Variants in ADAMTS12 observed in about 807,000 individuals in gnomAD.
ADAMTS12 encodes A disintegrin and metalloproteinase with thrombospondin motifs 12.
A neutral mutation model predicts 167.8 loss-of-function variants in ADAMTS12; 118 were observed. The ratio of observed to expected loss-of-function variants is 0.70; its 90% CI spans 0.61 to 0.82. ADAMTS12 has a LOEUF of 0.82. Among genes scored for constraint, ADAMTS12 ranks in the 40% least tolerant of loss-of-function variants. ADAMTS12 has a pLI of 0.00. For synonymous variants in ADAMTS12, 704 were observed against 716.9 expected (o/e 0.98, Z 0.29); for missense variants, 1,916 against 1,998.8 (o/e 0.96, Z 0.79).
chr5:33,839,529 G>A (rs1748664423), intron 2 of ADAMTS12, among the ~76,000 whole-genome samples: 1 of 152,098 alleles, frequency 6.6e-6, no homozygotes, highest in East Asian at 1.9e-4. Context: ...TTCTTTCCTA[G>A]TTGAACATAT....
intron 2 of ADAMTS12, among the ~76,000 whole-genome samples, chr5:33,802,346 A>C (rs140201308): frequency 6.6e-6 from 1 of 152,338 alleles, no homozygotes; most frequent in African/African-American, 2.4e-5. Context: ...CAACTAAGCA[A>C]AGCTAAGCTG....
At chr5:33,631,058 A>G in intron 12 of ADAMTS12, 145 bp from the exon 13 acceptor site, 1 of 880,448 alleles carries the variant, frequency 1.1e-6, no homozygotes, top group Non-Finnish European at 1.7e-6. Context: ...ATGCTGAAAT[A>G]TGCCTCAAGA....
intron 5 of ADAMTS12, among the ~76,000 whole-genome samples, chr5:33,675,836 A>C (rs1398218930): frequency 6.6e-6 from 1 of 152,182 alleles, no homozygotes; most frequent in African/African-American, 2.4e-5. Flanking sequence ...AAGCCTTGAG[A>C]ATAGTAATTA....
At chr5:33,665,898 G>A (rs1741447084) in intron 5 of ADAMTS12, among the ~76,000 whole-genome samples, 1 of 152,182 alleles carries the variant, frequency 6.6e-6, no homozygotes, top group South Asian at 2.1e-4. Context: ...TCTAGAGGCA[G>A]GTAAAACATT....
At chr5:33,530,432 G>A (rs1561103168) in intron 23 of ADAMTS12, among the ~76,000 whole-genome samples, 1 of 152,210 alleles carries the variant, frequency 6.6e-6, no homozygotes, top group Non-Finnish European at 1.5e-5. Flanking sequence ...CCCGGGCTCT[G>A]GGAAGCCCCC....
intron 3 of ADAMTS12, among the ~76,000 whole-genome samples, chr5:33,734,309 G>A (rs541593564): frequency 6.6e-6 from 1 of 152,286 alleles, no homozygotes; most frequent in South Asian, 2.1e-4. Context: ...TAGGTCAGAG[G>A]TGAGGACACA....
At position 33,625,093 on chromosome 5, in the gene ADAMTS12, A is replaced by C. The variant is rs146923737; in HGVS notation, c.2023-742T>G. Among the ~76,000 whole-genome samples the C allele has an allele frequency of 2.6e-5, 4 of 152,220 alleles. No homozygotes were observed. In the Middle Eastern group the frequency reaches 0.01, roughly 388 times the overall value. On this transcript the variant is annotated intron_variant, in intron 13 of 23. Transcript: ENST00000504830. Reference sequence around the variant, plus strand: ...AACAGCCTTGAACTCTTGGCCTCCCACCTCAGCCTTCTGAGTAGCTGGGAC... The same window carrying C: ...AACAGCCTTGAACTCTTGGCCTCCCCCCTCAGCCTTCTGAGTAGCTGGGAC...
chr5:33,837,956 C>G (rs1219287677), intron 2 of ADAMTS12, among the ~76,000 whole-genome samples: 1 of 152,192 alleles, frequency 6.6e-6, no homozygotes, highest in Non-Finnish European at 1.5e-5. Context: ...TTACTAAGCC[C>G]AGTAAAACAT....
intron 2 of ADAMTS12, among the ~76,000 whole-genome samples, chr5:33,821,246 G>C (rs998502410): frequency 1.3e-5 from 2 of 151,954 alleles, no homozygotes; most frequent in Non-Finnish European, 2.9e-5. Context: ...AAAATTTTGA[G>C]TCATATCATG....
At chr5:33,788,147 C>T (rs887606014) in intron 2 of ADAMTS12, among the ~76,000 whole-genome samples, 14 of 152,158 alleles carry the variant, frequency 9.2e-5, no homozygotes, top group African/African-American at 1.7e-4. Flanking sequence ...GGAATATGGA[C>T]GCCTGTCCAC....
At chr5:33,875,933 T>C (rs2111753989) in intron 2 of ADAMTS12, among the ~76,000 whole-genome samples, 1 of 152,250 alleles carries the variant, frequency 6.6e-6, no homozygotes, top group South Asian at 2.1e-4. Context: ...AAAAAAACCA[T>C]CTTAGGGTTA....
chr5:33,678,823 A>G (rs891771911), intron 5 of ADAMTS12, among the ~76,000 whole-genome samples: 2 of 152,230 alleles, frequency 1.3e-5, no homozygotes, highest in African/African-American at 4.8e-5. Context: ...AAACAAGATG[A>G]AAAGAAATCC....
intron 5 of ADAMTS12, among the ~76,000 whole-genome samples, chr5:33,677,411 C>T (rs1454081762): frequency 6.6e-6 from 1 of 152,088 alleles, no homozygotes; most frequent in Non-Finnish European, 1.5e-5. Context: ...AGTTAAACAA[C>T]CTACCAAAAT....
At chr5:33,779,657 T>A (rs568416749) in intron 2 of ADAMTS12, among the ~76,000 whole-genome samples, 3 of 152,320 alleles carry the variant, frequency 2.0e-5, no homozygotes, top group East Asian at 3.9e-4. Flanking sequence ...AAGGAAATCC[T>A]GTCATTTGCA....
intron 9 of ADAMTS12, among the ~76,000 whole-genome samples, chr5:33,644,876 A>G (rs1268069993): frequency 6.6e-6 from 1 of 151,788 alleles, no homozygotes; most frequent in East Asian, 1.9e-4. Flanking sequence ...GACTGCAGAC[A>G]CCCGCCTCCA....
intron 5 of ADAMTS12, among the ~76,000 whole-genome samples, chr5:33,668,031 C>A (rs112575330): frequency 1.4e-4 from 21 of 152,278 alleles, no homozygotes; most frequent in African/African-American, 4.6e-4. Context: ...TCACCCCAAG[C>A]AACAAGAAGT....
chr5:33,616,975 G>A (rs543446760), intron 14 of ADAMTS12, among the ~76,000 whole-genome samples: 1 of 152,242 alleles, frequency 6.6e-6, no homozygotes, highest in South Asian at 2.1e-4. Context: ...TAATAAAATG[G>A]AAAGAACATG....
At chr5:33,585,516 T>C (rs1299001828) in intron 18 of ADAMTS12, among the ~76,000 whole-genome samples, 1 of 152,120 alleles carries the variant, frequency 6.6e-6, no homozygotes, top group Non-Finnish European at 1.5e-5. Context: ...CACATACACA[T>C]TTGAACCCAG....
rs561023574 is a variant in ADAMTS12, at chr5:33,719,289, G to A, written c.634+32115C>T. ...AGAAAATACAGAGTGCAGTCATGAA[G>A]GGAGCGCTCTGGAGGGAAACCAAGA... On this transcript the variant is annotated intron_variant, in intron 3 of 23. Transcript: ENST00000504830. Among the ~76,000 whole-genome samples, 7 of 152,236 alleles carry A rather than the reference G, an allele frequency of 4.6e-5. No individual in the cohort carries two copies. The East Asian group carries it at 1.2e-3, about 25-fold the overall frequency.
Sources: gnomAD v4.1 joint callset for allele counts (sites outside exome capture counted in the v4.1 genomes callset) on GRCh38, gnomAD v4.1.1 for gene constraint, MANE v1.5 for transcripts, NCBI Gene and HGNC (gene_info 2026-07-23, HGNC 2026-07-21) for gene names.